The following COL6A6 variants were observed in gnomAD, a reference collection of about 807,000 sequenced individuals.
The protein encoded by COL6A6 is collagen alpha-6(VI) chain.
In COL6A6, 183 loss-of-function variants were observed where a neutral mutation model predicts 208.6. That is an observed-to-expected ratio of 0.88 (90% confidence interval 0.78 to 0.99). COL6A6 has a LOEUF of 0.99. Ranked by LOEUF, COL6A6 falls within the 50% of genes least tolerant of loss-of-function variation. The pLI, the probability that COL6A6 is intolerant of heterozygous loss-of-function variation, is 0.00. For missense variants in COL6A6, 2,816 were observed against 2,815.2 expected (o/e 1.00, Z -0.01); for synonymous variants, 973 against 1,011.8 (o/e 0.96, Z 0.73).
intron 23 of COL6A6, among the ~76,000 whole-genome samples, chr3:130,612,711 G>T (rs374127777): frequency 6.6e-6 from 1 of 152,196 alleles, no homozygotes. Context: ...CCTCTGGTGA[G>T]GTCTATGTAC....
At chr3:130,636,787 T>C (rs1286142176) in intron 28 of COL6A6, among the ~76,000 whole-genome samples, 1 of 4,612 alleles carries the variant, frequency 2.2e-4, no homozygotes, top group Non-Finnish European at 3.0e-4. Flanking sequence ...CCCTTCCTCC[T>C]CCCCTCCCCT....
chr3:130,561,888 A>G (rs995946078), intron 2 of COL6A6, among the ~76,000 whole-genome samples: 1 of 151,202 alleles, frequency 6.6e-6, no homozygotes, highest in African/African-American at 2.4e-5. Flanking sequence ...TCCTGACCTC[A>G]TGATCCACCC....
chr3:130,589,019 T>C, intron 11 of COL6A6, 71 bp from the exon 12 acceptor site: 1 of 1,129,482 alleles, frequency 8.9e-7, no homozygotes, highest in South Asian at 1.3e-5. Flanking sequence ...CTGGATCGCA[T>C]GGTTGAACTT....
chr3:130,558,026 G>C (rs72992275), intron 1 of COL6A6, among the ~76,000 whole-genome samples: 18 of 152,332 alleles, frequency 1.2e-4, no homozygotes, highest in African/African-American at 4.1e-4. Context: ...ACCTTTGAGA[G>C]TGTTTATAAT....
At chr3:130,653,907 T>C (rs1385568614) in intron 33 of COL6A6, among the ~76,000 whole-genome samples, 1 of 152,086 alleles carries the variant, frequency 6.6e-6, no homozygotes, top group African/African-American at 2.4e-5. Flanking sequence ...AATGAGAAGG[T>C]TGATGTTGCT....
At chr3:130,588,872 A>G (rs960651948) in intron 11 of COL6A6, among the ~76,000 whole-genome samples, 2 of 149,126 alleles carry the variant, frequency 1.3e-5, no homozygotes, top group Non-Finnish European at 3.0e-5. Flanking sequence ...GATTTGGAAT[A>G]CCTGAAATGG....
At chr3:130,573,840 A>G in intron 7 of COL6A6, 116 bp from the exon 8 acceptor site, 1 of 690,678 alleles carries the variant, frequency 1.4e-6, no homozygotes, top group Non-Finnish European at 2.4e-6. Flanking sequence ...AAGTGCTGGG[A>G]TTACAGGAGT....
intron 33 of COL6A6, among the ~76,000 whole-genome samples, chr3:130,655,022 A>G (rs1428868746): frequency 6.6e-6 from 1 of 152,082 alleles, no homozygotes; most frequent in Admixed American, 6.5e-5. Flanking sequence ...ATGCAAAACA[A>G]CCTGAAGACA....
At chr3:130,599,881 G>T (rs569060688) in intron 20 of COL6A6, 71 bp downstream of exon 20, 7 of 1,434,562 alleles carry the variant, frequency 4.9e-6, no homozygotes, top group Middle Eastern at 1.8e-4. Context: ...GGCTGACTTT[G>T]GGGGAGTGGG....
intron 31 of COL6A6, 107 bp from the exon 32 acceptor site, chr3:130,644,884 A>T: frequency 1.0e-6 from 1 of 964,878 alleles, no homozygotes; most frequent in South Asian, 1.3e-5. Flanking sequence ...TTGATTTTTG[A>T]GTCATCTACA....
chr3:130,549,421 T>C (rs1362656025), intron 1 of COL6A6, among the ~76,000 whole-genome samples: 1 of 152,240 alleles, frequency 6.6e-6, no homozygotes, highest in Non-Finnish European at 1.5e-5. Context: ...ATTTTTGGTT[T>C]TGTTGCAATT....
At chr3:130,663,096 C>T (rs1405194385) in intron 35 of COL6A6, among the ~76,000 whole-genome samples, 1 of 152,126 alleles carries the variant, frequency 6.6e-6, no homozygotes, top group Non-Finnish European at 1.5e-5. Context: ...AAAGAGTACC[C>T]GGTGTGGTTC....
rs2063957283 is a variant in COL6A6 at position 130,599,785 on chromosome 3, G to A, written c.4628G>A (p.Gly1543Glu). Residue 1543 changes from glycine to glutamate, a missense_variant, in exon 20 of 37, where the codon GGG becomes GAG. Gly to Glu is a moderately conservative substitution (Grantham distance 98). Coordinates refer to ENST00000358511, the MANE Select transcript of COL6A6 (RefSeq NM_001102608.3). ...QGRRGWPGPP[G>E]TPGSRRKTAA... ...AGAAGAGGCTGGCCAGGCCCCCCCG[G>A]GACACCAGGCTCCAGAAGAAAGACA... 2 of 1,613,670 alleles carry A rather than the reference G, an allele frequency of 1.2e-6. No individual in the cohort carries two copies. The highest frequency in any genetic ancestry group is 1.1e-5 in the South Asian group (1 of 91,066).
At chr3:130,558,235 T>C (rs1327475263) in intron 1 of COL6A6, among the ~76,000 whole-genome samples, 2 of 152,158 alleles carry the variant, frequency 1.3e-5, no homozygotes, top group Non-Finnish European at 2.9e-5. Context: ...ACTTCATCTG[T>C]GTTTTGATAC....
chr3:130,574,631 G>A (rs2063252753), intron 8 of COL6A6, 106 bp downstream of exon 8: 1 of 879,720 alleles, frequency 1.1e-6, no homozygotes, highest in Admixed American at 2.6e-5. Flanking sequence ...ATTTAGATTT[G>A]TGCCTCTGGA....
At chr3:130,674,455 C>T (rs2066310123) in intron 36 of COL6A6, among the ~76,000 whole-genome samples, 1 of 152,198 alleles carries the variant, frequency 6.6e-6, no homozygotes, top group South Asian at 2.1e-4. Context: ...CTCCTCTTTA[C>T]TGTTGGGTTA....
intron 11 of COL6A6, among the ~76,000 whole-genome samples, chr3:130,587,871 T>G (rs1262363707): frequency 6.6e-6 from 1 of 152,206 alleles, no homozygotes; most frequent in Non-Finnish European, 1.5e-5. Context: ...AAATGTGTCT[T>G]TTTTTCCTGT....
chr3:130,615,722 A>C (rs2108240841), intron 23 of COL6A6, among the ~76,000 whole-genome samples: 1 of 152,316 alleles, frequency 6.6e-6, no homozygotes, highest in East Asian at 1.9e-4. Flanking sequence ...TAAAGATGGA[A>C]ATGCCAAGAA....
rs1416055884 is a variant in COL6A6, at chr3:130,517,415, C to G, written c.-32+18C>G. Among the ~76,000 whole-genome samples the G allele has an allele frequency of 6.6e-6, 1 of 152,252 alleles. No homozygotes were observed. Among genetic ancestry groups the G allele is most frequent in the East Asian group, 1.9e-4 (1 of 5,192 alleles). ...TCCCCAAGGTAAGTCCAGGAGCCAACGCTGGGACAGCAAGAGCCAAAACTA... is the reference window on the plus strand; with the variant it reads ...TCCCCAAGGTAAGTCCAGGAGCCAAGGCTGGGACAGCAAGAGCCAAAACTA... On this transcript the variant is annotated intron_variant, in intron 1 of 36. Coordinates refer to ENST00000358511, the MANE Select transcript of COL6A6 (RefSeq NM_001102608.3).
Sources: gnomAD v4.1 joint callset for allele counts (sites outside exome capture counted in the v4.1 genomes callset) on GRCh38, gnomAD v4.1.1 for gene constraint, MANE v1.5 for transcripts, NCBI Gene and HGNC (gene_info 2026-07-23, HGNC 2026-07-21) for gene names.